PPP1R13B: variants seen among roughly 807,000 people sequenced by gnomAD.
The protein encoded by PPP1R13B is apoptosis-stimulating of p53 protein 1.
PPP1R13B carries 44 observed loss-of-function variants against 119.8 expected under a neutral mutation model. The ratio of observed to expected loss-of-function variants is 0.37; its 90% CI spans 0.29 to 0.47. The LOEUF is 0.47. Among genes scored for constraint, PPP1R13B ranks in the 20% least tolerant of loss-of-function variants. The pLI is 0.99. For synonymous variants in PPP1R13B, 542 were observed against 561.5 expected, an observed-to-expected ratio of 0.97 and a Z score of 0.49; for missense variants, 1,227 against 1,413.5, an observed-to-expected ratio of 0.87 and a Z score of 2.12.
At chr14:103,796,084 G>A (rs1016784415) in intron 2 of PPP1R13B, among the ~76,000 whole-genome samples, 1 of 152,092 alleles carries the variant, frequency 6.6e-6, no homozygotes, top group Non-Finnish European at 1.5e-5. Context: ...TTGAGCCCAG[G>A]AGTTTGAGAC....
intron 4 of PPP1R13B, among the ~76,000 whole-genome samples, chr14:103,761,283 A>G (rs1347301171): frequency 5.7e-5 from 4 of 70,554 alleles, no homozygotes; most frequent in Non-Finnish European, 1.0e-4. Context: ...TTAAAAAAAA[A>G]AAAAAAAAAA....
At chr14:103,741,725 G>GT (rs1407988931) in intron 11 of PPP1R13B, 65 bp downstream of exon 11, 2 of 1,511,736 alleles carry the variant, frequency 1.3e-6, no homozygotes, top group Admixed American at 4.2e-5. Flanking sequence ...AAATACATTA[G>GT]TATTTTCTTA....
At chr14:103,808,403 G>T (rs1182290365) in intron 1 of PPP1R13B, among the ~76,000 whole-genome samples, 3 of 151,960 alleles carry the variant, frequency 2.0e-5, no homozygotes, top group African/African-American at 7.3e-5. Flanking sequence ...AATTGTCTTG[G>T]GCTACACATA....
intron 1 of PPP1R13B, among the ~76,000 whole-genome samples, chr14:103,814,500 TAAGGCAGTAA>T (rs1005335420): frequency 2.0e-5 from 3 of 152,080 alleles, no homozygotes; most frequent in Non-Finnish European, 4.4e-5. Flanking sequence ...ATAAAAAAGA[TAAGGCAGTAA>T]AAGTTTCAAT....
chr14:103,746,483 C>A lies in PPP1R13B; in HGVS notation c.1040G>T (p.Gly347Val). The change falls in exon 9 of 17, where the codon GGG (glycine) becomes GTG (valine). Residue 347 changes from glycine to valine, a missense_variant. Transcript: ENST00000202556. Reference protein sequence around the residue: ...LSTSGRVAAVGPYIQVPSAGS... With the variant: ...LSTSGRVAAVVPYIQVPSAGS... ...GGCACTGGGAACCTGGATATAAGGC[C>A]CCACAGCAGCGACCCTGCCCGATGT... 1 of 1,613,982 alleles carries A rather than the reference C, an allele frequency of 6.2e-7. No homozygotes were observed. The highest frequency in any genetic ancestry group is 8.5e-7 in the Non-Finnish European group (1 of 1,179,892).
intron 4 of PPP1R13B, chr14:103,759,339 TTTTTTTTTTTAA>T (rs1321359672): frequency 2.0e-5 from 3 of 151,670 alleles, no homozygotes; most frequent in Non-Finnish European, 4.4e-5. Flanking sequence ...ATTTTTTTTT[TTTTTTTTTTTAA>T]TTTAGAGACT....
intron 2 of PPP1R13B, 36 bp from the exon 3 acceptor site, chr14:103,784,950 TA>T: frequency 6.6e-7 from 1 of 1,518,516 alleles, no homozygotes; most frequent in Non-Finnish European, 8.9e-7. Context: ...ACTCCAGAAT[TA>T]AAATGACTCC....
rs2085789483 is a variant in PPP1R13B at position 103,797,566 on chromosome 14, CA to C, written c.10-49del. 8 of 1,509,112 alleles carry C rather than the reference CA, an allele frequency of 5.3e-6. No homozygotes were observed. The East Asian group carries it at 1.9e-4, about 36-fold the overall frequency. The allele number at this position is 1,509,112 out of a possible 1,614,324, so 93.5% of individuals were successfully genotyped here. The stretch of plus-strand genomic sequence containing the variant: ...TGTAATTTAGATTCCTTATCACAAA[CA>C]GATTAATCTGTAAATTTAAAGTGAT... On this transcript the variant is annotated intron_variant, in intron 1 of 16. Coordinates refer to ENST00000202556, the MANE Select transcript of PPP1R13B (RefSeq NM_015316.3).
intron 1 of PPP1R13B, among the ~76,000 whole-genome samples, chr14:103,815,247 A>G (rs901505552): frequency 2.0e-5 from 3 of 152,202 alleles, no homozygotes; most frequent in African/African-American, 7.2e-5. Flanking sequence ...ACGGAGAGAT[A>G]AAGTAGATTA....
intron 1 of PPP1R13B, among the ~76,000 whole-genome samples, chr14:103,828,658 G>C (rs907082959): frequency 6.6e-6 from 1 of 152,106 alleles, no homozygotes; most frequent in Non-Finnish European, 1.5e-5. Flanking sequence ...CTTCCCAAAG[G>C]ACGCCACGGA....
At chr14:103,761,555 A>G (rs2084805832) in intron 4 of PPP1R13B, among the ~76,000 whole-genome samples, 1 of 152,074 alleles carries the variant, frequency 6.6e-6, no homozygotes, top group Non-Finnish European at 1.5e-5. Flanking sequence ...CGAGGTCAGG[A>G]GTTCAAGACC....
chr14:103,763,887 T>C (rs556680414), intron 4 of PPP1R13B: 2 of 152,400 alleles, frequency 1.3e-5, no homozygotes, highest in South Asian at 2.1e-4. Flanking sequence ...TTCATATAAG[T>C]GAAGTCATAC....
chr14:103,806,720 G>T (rs2086026000), intron 1 of PPP1R13B, among the ~76,000 whole-genome samples: 1 of 152,042 alleles, frequency 6.6e-6, no homozygotes, highest in Non-Finnish European at 1.5e-5. Flanking sequence ...AAACACACCT[G>T]GGAGTTGCTG....
intron 1 of PPP1R13B, among the ~76,000 whole-genome samples, chr14:103,819,941 C>A (rs2086367367): frequency 6.6e-6 from 1 of 152,198 alleles, no homozygotes; most frequent in South Asian, 2.1e-4. Flanking sequence ...TTATCCCAGA[C>A]CCACAGTTAC....
intron 2 of PPP1R13B, among the ~76,000 whole-genome samples, chr14:103,793,960 C>A (rs533872979): frequency 1.3e-5 from 2 of 152,172 alleles, no homozygotes; most frequent in African/African-American, 4.8e-5. Flanking sequence ...ATGAAGAGAT[C>A]AAAGTGGCCC....
At chr14:103,804,049 C>T in intron 1 of PPP1R13B, 3 of 984,708 alleles carry the variant, frequency 3.0e-6, no homozygotes, top group Non-Finnish European at 3.6e-6. Context: ...TGACTCATTA[C>T]CTGGTCTTGA....
chr14:103,830,810 A>G (rs1475007), intron 1 of PPP1R13B, among the ~76,000 whole-genome samples: 67,762 of 152,056 alleles, frequency 0.45, 15,612 homozygotes, highest in African/African-American at 0.56. Flanking sequence ...TTGAGAACCT[A>G]GGGTATGGTT....
At chr14:103,735,867 A>G (rs2084095074) in intron 16 of PPP1R13B, 136 bp downstream of exon 16, 1 of 948,372 alleles carries the variant, frequency 1.1e-6, no homozygotes, top group Non-Finnish European at 1.6e-6. Flanking sequence ...CCAAGTAGGC[A>G]CCTCCCCCTC....
chr14:103,816,661 C>T (rs2086288147), intron 1 of PPP1R13B, among the ~76,000 whole-genome samples: 1 of 142,074 alleles, frequency 7.0e-6, no homozygotes, highest in Non-Finnish European at 1.5e-5. Context: ...AAGAGCAAAA[C>T]TCAGTCTCAA....
Sources: allele counts gnomAD v4.1 joint callset (sites outside exome capture counted in the v4.1 genomes callset), GRCh38; gene constraint gnomAD v4.1.1; transcripts MANE v1.5; gene names NCBI Gene and HGNC (gene_info 2026-07-23, HGNC 2026-07-21).